MCTP1: variants seen among roughly 807,000 people sequenced by gnomAD.
MCTP1 encodes multiple C2 and transmembrane domain-containing protein 1.
In MCTP1, 69 loss-of-function variants were observed where a neutral mutation model predicts 120.6. The ratio of observed to expected loss-of-function variants is 0.57; its 90% CI spans 0.47 to 0.70. The LOEUF (loss-of-function observed/expected upper bound fraction) is 0.70. Among genes scored for constraint, MCTP1 ranks in the 30% least tolerant of loss-of-function variants. The pLI, the probability that MCTP1 is intolerant of heterozygous loss-of-function variation, is 0.00. For synonymous variants in MCTP1, 529 were observed against 493.1 expected (o/e 1.07, Z -0.96); for missense variants, 1,203 against 1,248.8 (o/e 0.96, Z 0.55).
intron 1 of MCTP1, among the ~76,000 whole-genome samples, chr5:95,237,433 C>CTGGTT (rs1755672765): frequency 6.6e-6 from 1 of 152,106 alleles, no homozygotes; most frequent in Non-Finnish European, 1.5e-5. Context: ...TCTGGTAAGA[C>CTGGTT]GGACCTCAAA....
intron 1 of MCTP1, among the ~76,000 whole-genome samples, chr5:95,126,003 G>T (rs139689100): frequency 1.3e-5 from 2 of 152,078 alleles, no homozygotes; most frequent in Non-Finnish European, 2.9e-5. Context: ...ACTTTCTTTC[G>T]TGCCTCTTTG....
chr5:95,222,162 C>T (rs1753764331), intron 1 of MCTP1, among the ~76,000 whole-genome samples: 1 of 152,312 alleles, frequency 6.6e-6, no homozygotes, highest in East Asian at 1.9e-4. Context: ...TACCTGGTTG[C>T]TTTGCCATCC....
intron 16 of MCTP1, among the ~76,000 whole-genome samples, chr5:94,868,820 T>G (rs960772058): frequency 5.3e-5 from 8 of 152,028 alleles, no homozygotes; most frequent in African/African-American, 1.9e-4. Context: ...TGGTTTAATT[T>G]CAAGACATTT....
At chr5:95,136,788 C>T (rs1759483488) in intron 1 of MCTP1, among the ~76,000 whole-genome samples, 1 of 152,202 alleles carries the variant, frequency 6.6e-6, no homozygotes. Context: ...ACAGCCAGAG[C>T]ACTAACAGAG....
At chr5:94,729,686 A>G (rs1383393987) in intron 19 of MCTP1, among the ~76,000 whole-genome samples, 1 of 152,220 alleles carries the variant, frequency 6.6e-6, no homozygotes, top group East Asian at 1.9e-4. Flanking sequence ...CACGTAGTAC[A>G]AATGTGCTAA....
chr5:94,900,396 A>G (rs1369201088), intron 10 of MCTP1, among the ~76,000 whole-genome samples: 2 of 152,356 alleles, frequency 1.3e-5, no homozygotes, highest in East Asian at 1.9e-4. Context: ...TACTATGGAC[A>G]AGGAAATGGA....
chr5:95,007,061 T>C (rs1217346731), intron 2 of MCTP1, among the ~76,000 whole-genome samples: 6 of 152,172 alleles, frequency 3.9e-5, no homozygotes, highest in Middle Eastern at 3.4e-3. Flanking sequence ...CTTACAATCA[T>C]GGTGGAAGGG....
chr5:95,202,200 T>G (rs1002038360), intron 1 of MCTP1, among the ~76,000 whole-genome samples: 1 of 152,156 alleles, frequency 6.6e-6, no homozygotes, highest in Non-Finnish European at 1.5e-5. Context: ...TTCTCTCTCC[T>G]AGAGCTGGAA....
chr5:94,738,301 T>A (rs961924533), intron 19 of MCTP1, among the ~76,000 whole-genome samples: 3 of 152,194 alleles, frequency 2.0e-5, no homozygotes, highest in Non-Finnish European at 4.4e-5. Context: ...CCTGATTGGA[T>A]TCTCCACTGT....
chr5:95,281,990 A>G (rs1760362579), intron 1 of MCTP1, among the ~76,000 whole-genome samples: 1 of 152,246 alleles, frequency 6.6e-6, no homozygotes, highest in South Asian at 2.1e-4. Flanking sequence ...TCTCTCTGTC[A>G]TCTACTAACT....
chr5:95,011,523 C>T (rs1210674763), intron 2 of MCTP1, among the ~76,000 whole-genome samples: 3 of 152,006 alleles, frequency 2.0e-5, no homozygotes, highest in Non-Finnish European at 2.9e-5. Flanking sequence ...GACTCGATCA[C>T]GGGGGCAGTT....
intron 1 of MCTP1, among the ~76,000 whole-genome samples, chr5:95,224,997 T>G (rs936128680): frequency 4.6e-5 from 7 of 152,216 alleles, no homozygotes; most frequent in African/African-American, 1.7e-4. Context: ...AAAGAACATA[T>G]TAAGAGGCTT....
intron 17 of MCTP1, among the ~76,000 whole-genome samples, chr5:94,839,223 C>T (rs1352133580): frequency 6.6e-6 from 1 of 152,090 alleles, no homozygotes; most frequent in Admixed American, 6.6e-5. Flanking sequence ...CAGTTTTTTT[C>T]CAATACTGGT....
At chr5:94,865,550 A>G (rs153853) in intron 17 of MCTP1, among the ~76,000 whole-genome samples, 151,032 of 151,914 alleles carry the variant, frequency 0.99, 75,084 homozygotes, top group East Asian at 1. Flanking sequence ...TAATAATGGG[A>G]TACTGCTCAC....
At chr5:94,729,328 G>A (rs1762692902) in intron 19 of MCTP1, among the ~76,000 whole-genome samples, 1 of 152,208 alleles carries the variant, frequency 6.6e-6, no homozygotes. Flanking sequence ...TCTGTGGCAG[G>A]AGTGGCACCA....
At chr5:94,955,113 G>A (rs1487151888) in intron 2 of MCTP1, among the ~76,000 whole-genome samples, 1 of 152,162 alleles carries the variant, frequency 6.6e-6, no homozygotes, top group African/African-American at 2.4e-5. Context: ...CCCACAGAGG[G>A]TGAGCAGAAG....
chr5:95,125,585 G>C (rs1406094670), intron 1 of MCTP1, among the ~76,000 whole-genome samples: 1 of 152,156 alleles, frequency 6.6e-6, no homozygotes, highest in African/African-American at 2.4e-5. Flanking sequence ...TATGAAATCA[G>C]TGTCTTGTTT....
At chr5:94,720,211 T>G (rs11135410) in intron 19 of MCTP1, among the ~76,000 whole-genome samples, 22,643 of 151,832 alleles carry the variant, frequency 0.15, 1,881 homozygotes, top group East Asian at 0.33. Flanking sequence ...TACAGGGAAG[T>G]TATTTACTGA....
intron 17 of MCTP1, among the ~76,000 whole-genome samples, chr5:94,859,032 G>A (rs1437001314): frequency 6.6e-6 from 1 of 151,672 alleles, no homozygotes; most frequent in Non-Finnish European, 1.5e-5. Context: ...TTACCAAACA[G>A]ACCTCTACAT....
Sources: allele counts gnomAD v4.1 joint callset (sites outside exome capture counted in the v4.1 genomes callset), GRCh38; gene constraint gnomAD v4.1.1; transcripts MANE v1.5; gene names NCBI Gene and HGNC (gene_info 2026-07-23, HGNC 2026-07-21).